Variants in CNBD1 observed in about 807,000 individuals in gnomAD.
CNBD1 encodes cyclic nucleotide binding domain containing 1.
A neutral mutation model predicts 54.4 loss-of-function variants in CNBD1; 71 were observed. The observed-to-expected ratio is 1.30, with a 90% CI of 1.08 to 1.59. The LOEUF (loss-of-function observed/expected upper bound fraction) is 1.59. CNBD1 is among the 40% of genes most tolerant of loss of function. CNBD1 has a pLI of 0.00. For synonymous variants in CNBD1, 182 were observed against 170.7 expected, an observed-to-expected ratio of 1.07 and a Z score of -0.51; for missense variants, 659 against 518.0, an observed-to-expected ratio of 1.27 and a Z score of -2.64.
intron 4 of CNBD1, among the ~76,000 whole-genome samples, chr8:87,017,640 C>T (rs1449633190): frequency 6.6e-6 from 1 of 152,152 alleles, no homozygotes; most frequent in Admixed American, 6.5e-5. Flanking sequence ...TGCCTAATAG[C>T]TCTCGTGAGC....
At chr8:86,905,757 A>T (rs1586125249) in intron 3 of CNBD1, among the ~76,000 whole-genome samples, 1 of 152,222 alleles carries the variant, frequency 6.6e-6, no homozygotes, top group South Asian at 2.1e-4. Flanking sequence ...GTAGATTGCC[A>T]GATCACATTG....
At chr8:87,021,816 T>A (rs1178877320) in intron 4 of CNBD1, among the ~76,000 whole-genome samples, 1 of 152,048 alleles carries the variant, frequency 6.6e-6, no homozygotes, top group Non-Finnish European at 1.5e-5. Flanking sequence ...GTAAAGAAAA[T>A]ACACATAAAT....
chr8:87,176,376 A>C (rs920558715), intron 4 of CNBD1, among the ~76,000 whole-genome samples: 8 of 152,210 alleles, frequency 5.3e-5, no homozygotes, highest in Non-Finnish European at 8.8e-5. Context: ...TCATATTTGC[A>C]TTCAATATCA....
At chr8:86,899,117 T>TA (rs1187240879) in intron 2 of CNBD1, among the ~76,000 whole-genome samples, 3 of 128,372 alleles carry the variant, frequency 2.3e-5, no homozygotes, top group African/African-American at 6.2e-5. Context: ...TATGTGAAAT[T>TA]TAAAAAAACG....
intron 2 of CNBD1, among the ~76,000 whole-genome samples, chr8:87,415,822 CAAGT>C: frequency 6.6e-6 from 1 of 151,284 alleles, no homozygotes; most frequent in African/African-American, 2.4e-5. Context: ...TAAAAAGATG[CAAGT>C]AAGACAAATA....
intron 1 of CNBD1, among the ~76,000 whole-genome samples, chr8:86,871,434 T>G (rs1808442063): frequency 6.6e-6 from 1 of 152,240 alleles, no homozygotes; most frequent in Non-Finnish European, 1.5e-5. Context: ...GATAGGACGA[T>G]TAAACTTTTT....
chr8:87,345,010 C>T (rs1810141116), intron 8 of CNBD1, among the ~76,000 whole-genome samples: 2 of 152,166 alleles, frequency 1.3e-5, no homozygotes, highest in South Asian at 2.1e-4. Context: ...AAATATTTTC[C>T]TTCTATTGAT....
intron 10 of CNBD1, 56 bp downstream of exon 10, chr8:87,353,842 A>T (rs906424776): frequency 7.5e-7 from 1 of 1,340,200 alleles, no homozygotes; most frequent in Non-Finnish European, 1.0e-6. Flanking sequence ...GAGTTCTTAA[A>T]TTTTTTAAAT....
At chr8:87,357,391 C>G (rs546069454) in intron 10 of CNBD1, among the ~76,000 whole-genome samples, 1 of 152,190 alleles carries the variant, frequency 6.6e-6, no homozygotes, top group African/African-American at 2.4e-5. Context: ...TCCAGCAAAG[C>G]TGCAAGGGTG....
intron 2 of CNBD1, among the ~76,000 whole-genome samples, chr8:87,395,541 AG>A (rs113368516): frequency 0.019 from 2,861 of 152,018 alleles, 91 homozygotes; most frequent in African/African-American, 0.062. Flanking sequence ...AAATATTAAA[AG>A]TATTGTTATC....
At chr8:87,354,717 C>A (rs1214834046) in intron 10 of CNBD1, among the ~76,000 whole-genome samples, 1 of 152,118 alleles carries the variant, frequency 6.6e-6, no homozygotes, top group Non-Finnish European at 1.5e-5. Flanking sequence ...TCATCCATGT[C>A]CCTACAAAGG....
intron 4 of CNBD1, among the ~76,000 whole-genome samples, chr8:87,098,768 T>C (rs971869104): frequency 3.3e-5 from 5 of 149,974 alleles, no homozygotes; most frequent in African/African-American, 1.2e-4. Flanking sequence ...CCAGGCGCAG[T>C]GGCTCATGCG....
Position 86,870,189 on chromosome 8 carries a change from C to CCTTTTTT in CNBD1, c.88+3606_88+3607insCTTTTTT, listed in dbSNP as rs1554626453. Among the ~76,000 whole-genome samples the CCTTTTTT allele has an allele frequency of 3.8e-4, 38 of 100,620 alleles. 3 individuals carry two copies. The highest frequency in any genetic ancestry group is 7.4e-4 in the South Asian group (2 of 2,696). 66.0% of individuals were successfully genotyped at this position (100,620 alleles called of 152,430 possible). A position where few individuals can be genotyped will look rare whatever the true frequency, so the allele number is the denominator to read the frequency against. ...AGAAATTTAGAAACAAGATAGTACTCTTTTTTTTTTTTTTTCTGAGACGGA... is the reference window on the plus strand; with the variant it reads ...AGAAATTTAGAAACAAGATAGTACTCCTTTTTTTTTTTTTTTTTTTTTCTGAGACGGA... On this transcript the variant is annotated intron_variant, in intron 1 of 10. Transcript: ENST00000518476.
At chr8:87,337,401 G>T (rs937779823) in intron 8 of CNBD1, among the ~76,000 whole-genome samples, 9 of 152,164 alleles carry the variant, frequency 5.9e-5, no homozygotes, top group African/African-American at 2.2e-4. Context: ...CTTCTAGCTG[G>T]AGTTGGATTT....
intron 7 of CNBD1, 56 bp downstream of exon 7, chr8:87,284,871 C>A: frequency 8.1e-7 from 1 of 1,227,368 alleles, no homozygotes; most frequent in Non-Finnish European, 1.1e-6. Flanking sequence ...ACTCAAGCTA[C>A]ATTTTGATTC....
chr8:87,129,513 T>C (rs1410216819), intron 4 of CNBD1, among the ~76,000 whole-genome samples: 3 of 152,202 alleles, frequency 2.0e-5, no homozygotes, highest in African/African-American at 7.2e-5. Context: ...GTTTATTTGT[T>C]GGTCTTTTCT....
chr8:87,375,903 C>T (rs1810920520), intron 10 of CNBD1, among the ~76,000 whole-genome samples: 1 of 151,828 alleles, frequency 6.6e-6, no homozygotes, highest in Non-Finnish European at 1.5e-5. Flanking sequence ...GGCCTTGGAT[C>T]TACTCAGACT....
At chr8:87,347,247 A>C (rs1156566014) in intron 8 of CNBD1, among the ~76,000 whole-genome samples, 1 of 152,126 alleles carries the variant, frequency 6.6e-6, no homozygotes, top group Non-Finnish European at 1.5e-5. Flanking sequence ...TAGGAGGACT[A>C]CTTGGGGAAG....
At chr8:87,046,749 G>A (rs551801769) in intron 4 of CNBD1, among the ~76,000 whole-genome samples, 1 of 152,126 alleles carries the variant, frequency 6.6e-6, no homozygotes, top group Non-Finnish European at 1.5e-5. Flanking sequence ...ACACTAGGTG[G>A]GAAGGATCCT....
Sources: gnomAD v4.1 joint callset for allele counts (sites outside exome capture counted in the v4.1 genomes callset) on GRCh38, gnomAD v4.1.1 for gene constraint, MANE v1.5 for transcripts, NCBI Gene and HGNC (gene_info 2026-07-23, HGNC 2026-07-21) for gene names.